MAMSTR: variants seen among roughly 807,000 people sequenced by gnomAD.
MAMSTR encodes MEF2 activating motif and SAP domain containing transcriptional regulator.
A neutral mutation model predicts 42.7 loss-of-function variants in MAMSTR; 41 were observed. The observed-to-expected ratio is 0.96, with a 90% confidence interval of 0.75 to 1.25. The LOEUF is 1.25. Ranked by LOEUF, MAMSTR falls within the 50% of genes most tolerant of loss-of-function variation. MAMSTR has a pLI of 0.00. For missense variants in MAMSTR, 567 were observed against 557.6 expected (o/e 1.02, Z -0.17); for synonymous variants, 265 against 244.1 (o/e 1.09, Z -0.80).
chr19:48,707,949 A>G (rs1214405787), downstream of MAMSTR, among the ~76,000 whole-genome samples: 3 of 151,574 alleles, frequency 2.0e-5, no homozygotes, highest in African/African-American at 7.3e-5. Flanking sequence ...GGGGAGGGGA[A>G]GGAGGCCAGG....
At chr19:48,710,797 C>T (rs1436467513), downstream of MAMSTR, among the ~76,000 whole-genome samples, 1 of 151,858 alleles carries the variant, frequency 6.6e-6, no homozygotes, top group Admixed American at 6.6e-5. Flanking sequence ...CCATATTGGT[C>T]AGGCTAGTCT....
At chr19:48,715,807 G>T in intron 3 of MAMSTR, 40 bp from the exon 4 acceptor site, 1 of 1,516,144 alleles carries the variant, frequency 6.6e-7, no homozygotes, top group Admixed American at 2.5e-5. Context: ...CCTGCAGGCA[G>T]CAAGCCAGGC....
At chr19:48,707,143 G>A in the MAMSTR span, among the ~76,000 whole-genome samples, 3 of 151,894 alleles carry the variant, frequency 2.0e-5, no homozygotes, top group South Asian at 6.3e-4. Flanking sequence ...TACAGGCCAG[G>A]CGTGGTGGCT....
chr19:48,714,870 A>G lies in MAMSTR; in HGVS notation c.464T>C (p.Val155Ala). 1 of 1,609,320 alleles carries G rather than the reference A, an allele frequency of 6.2e-7. No homozygotes were observed. The highest frequency in any genetic ancestry group is 8.5e-7 in the Non-Finnish European group (1 of 1,177,880). ...PSPLTPCPPG[V>A]PSPSPPPHKL... Reference sequence around the variant, plus strand: ...GTGTGGGGGGGGCGAGGGGCTAGGGACTCCTGGTGGGCAGGGAGTGAGGGG... The same window carrying G: ...GTGTGGGGGGGGCGAGGGGCTAGGGGCTCCTGGTGGGCAGGGAGTGAGGGG... The change falls in exon 6 of 10, where the codon GTC becomes GCC. Residue 155 changes from valine to alanine, a missense_variant. Physicochemically the swap from Val to Ala is moderately conservative, Grantham distance 64. Transcript: ENST00000318083.
downstream of MAMSTR, among the ~76,000 whole-genome samples, chr19:48,707,990 T>C (rs1380098141): frequency 1.3e-5 from 2 of 151,874 alleles, no homozygotes; most frequent in South Asian, 2.1e-4. Flanking sequence ...ATCCCAGCAC[T>C]GTGGGAGGCC....
chr19:48,717,942 C>G (rs1020954952), intron 2 of MAMSTR, among the ~76,000 whole-genome samples: 1 of 151,882 alleles, frequency 6.6e-6, no homozygotes, highest in African/African-American at 2.4e-5. Context: ...TGAGCTCAGG[C>G]AATCCGCCCG....
chr19:48,707,871 G>A (rs1568464014), downstream of MAMSTR, among the ~76,000 whole-genome samples: 2,317 of 110,422 alleles, frequency 0.021, 70 homozygotes, highest in African/African-American at 0.074. Context: ...AAGAAAGAAA[G>A]AAAGAAAGAA....
chr19:48,712,508 G>A (rs1171449957), downstream of MAMSTR, among the ~76,000 whole-genome samples: 1 of 150,422 alleles, frequency 6.6e-6, no homozygotes, highest in Non-Finnish European at 1.5e-5. Flanking sequence ...CACAACCTCC[G>A]CCTCCCGGGT....
intron 2 of MAMSTR, among the ~76,000 whole-genome samples, chr19:48,718,708 C>T (rs2033143512): frequency 6.6e-6 from 1 of 152,108 alleles, no homozygotes; most frequent in South Asian, 2.1e-4. Context: ...CAGTATAAGC[C>T]TTTGTTTCTC....
chr19:48,714,151 C>T, intron 7 of MAMSTR, 106 bp from the exon 8 acceptor site: 1 of 1,267,526 alleles, frequency 7.9e-7, no homozygotes, highest in South Asian at 1.6e-5. Context: ...CGACCCCTCG[C>T]TCATCAACCC....
At chr19:48,714,956 G>A (rs774060912) in intron 5 of MAMSTR, 48 bp from the exon 6 acceptor site, 2 of 1,269,244 alleles carry the variant, frequency 1.6e-6, no homozygotes, top group Non-Finnish European at 2.2e-6. Flanking sequence ...GGTAGAGGGG[G>A]AAAAGGCGTT....
intron 2 of MAMSTR, among the ~76,000 whole-genome samples, chr19:48,718,649 A>T (rs1000402927): frequency 6.6e-6 from 1 of 151,660 alleles, no homozygotes; most frequent in Non-Finnish European, 1.5e-5. Flanking sequence ...AAACTCCCAC[A>T]CTGGTCCTCT....
At chr19:48,707,852 AAAG>A (rs1280175910), downstream of MAMSTR, among the ~76,000 whole-genome samples, 3 of 103,898 alleles carry the variant, frequency 2.9e-5, no homozygotes, top group African/African-American at 1.2e-4. Context: ...AGAAAGAAAG[AAAG>A]AAAGAAAGAA....
In MAMSTR at chr19:48,713,048, C is replaced by A; in HGVS notation, c.*219G>T. The A allele has an allele frequency of 2.0e-6, 1 of 505,476 alleles. No homozygotes were observed. The highest frequency in any genetic ancestry group is 3.4e-6 in the Non-Finnish European group (1 of 290,948). The allele number at this position is 505,476 out of a possible 1,614,324, so 31.3% of individuals were successfully genotyped here. A position where few individuals can be genotyped will look rare whatever the true frequency, so the allele number is the denominator to read the frequency against. ...GCCGTGGCCAGCAGCAAAAGAAGCC[C>A]CCCAACCATACCACGCCGGAGGGGG... On this transcript the variant is annotated 3_prime_UTR_variant, in exon 10 of 10. Transcript: ENST00000318083.
chr19:48,717,534 CTTT>C (rs34694985), intron 2 of MAMSTR, among the ~76,000 whole-genome samples: 4 of 126,618 alleles, frequency 3.2e-5, no homozygotes, highest in African/African-American at 2.9e-5. Context: ...TGTTAACTAT[CTTT>C]TTTTTTTTTT....
chr19:48,718,380 CTTTTTTTTTT>C lies in MAMSTR; in HGVS notation c.58+584_58+593del, dbSNP rs796615883. ...TGTAGTTCGAAACACTTGCACACTTCTTTTTTTTTTTTTTTTTTTTTTTTGAGATGGAGTT... is the reference window on the plus strand; with the variant it reads ...TGTAGTTCGAAACACTTGCACACTTCTTTTTTTTTTTTTTGAGATGGAGTT... On this transcript the variant is annotated intron_variant, in intron 2 of 9. Coordinates refer to ENST00000318083, the MANE Select transcript of MAMSTR (RefSeq NM_001130915.2). 1.4e-3 allele frequency among the ~76,000 whole-genome samples: 130 copies of C among 95,160 alleles called. 1 individual carries two copies. Among genetic ancestry groups the C allele is most frequent in the African/African-American group, 5.3e-3 (118 of 22,268 alleles). The allele number at this position is 95,160 out of a possible 152,430, so 62.4% of individuals were successfully genotyped here. A position where few individuals can be genotyped will look rare whatever the true frequency, so the allele number is the denominator to read the frequency against.
downstream of MAMSTR, among the ~76,000 whole-genome samples, chr19:48,707,872 A>AAAG (rs1041572127): frequency 1.8e-5 from 2 of 112,920 alleles, no homozygotes; most frequent in Non-Finnish European, 3.9e-5. Context: ...AGAAAGAAAG[A>AAAG]AAGAAAGAAA....
Position 48,713,049 on chromosome 19 carries a change from C to G in MAMSTR, c.*218G>C. Reference sequence around the variant, plus strand: ...CCGTGGCCAGCAGCAAAAGAAGCCCCCCAACCATACCACGCCGGAGGGGGA... The same window carrying G: ...CCGTGGCCAGCAGCAAAAGAAGCCCGCCAACCATACCACGCCGGAGGGGGA... On this transcript the variant is annotated 3_prime_UTR_variant, in exon 10 of 10. Coordinates refer to ENST00000318083, the MANE Select transcript of MAMSTR (RefSeq NM_001130915.2). 2.0e-6 allele frequency: 1 copy of G among 506,328 alleles called. No individual in the cohort carries two copies. The highest frequency in any genetic ancestry group is 3.4e-6 in the Non-Finnish European group (1 of 291,724). The allele number at this position is 506,328 out of a possible 1,614,324, so 31.4% of individuals were successfully genotyped here.
intron 2 of MAMSTR, 97 bp from the exon 3 acceptor site, chr19:48,716,840 A>G: frequency 8.0e-7 from 1 of 1,254,162 alleles, no homozygotes; most frequent in African/African-American, 1.6e-5. Flanking sequence ...TGTTGGCGGG[A>G]TATGCGTGCC....
Sources: allele counts gnomAD v4.1 joint callset (sites outside exome capture counted in the v4.1 genomes callset), GRCh38; gene constraint gnomAD v4.1.1; transcripts MANE v1.5; gene names NCBI Gene and HGNC (gene_info 2026-07-23, HGNC 2026-07-21).